Variants in SPATA31H1 observed in about 807,000 individuals in gnomAD.
The protein encoded by SPATA31H1 is SPATA31 subfamily H member 1.
At chr2:27,558,822 G>T in the SPATA31H1 span, among the ~76,000 whole-genome samples, 2 of 114,580 alleles carry the variant, frequency 1.7e-5, no homozygotes, top group Non-Finnish European at 3.6e-5. Context: ...AATCAGGCAG[G>T]GAGGTTGCAG....
chr2:27,564,582 C>T, the SPATA31H1 span, among the ~76,000 whole-genome samples: 1 of 151,976 alleles, frequency 6.6e-6, no homozygotes, highest in Non-Finnish European at 1.5e-5. Context: ...TTTGGGAGGC[C>T]GAGGTGGGCG....
chr2:27,557,017 A>T, the SPATA31H1 span, among the ~76,000 whole-genome samples: 1 of 22,484 alleles, frequency 4.4e-5, no homozygotes, highest in Admixed American at 4.4e-4. Flanking sequence ...TTCAGAGAGC[A>T]CAGGGTTGGG....
chr2:27,582,154 G>A, the SPATA31H1 span: 32 of 1,604,100 alleles, frequency 2.0e-5, no homozygotes, highest in East Asian at 4.5e-5. Context: ...GAAAGAAGCC[G>A]TTGCAGTCCC....
At chr2:27,544,670 G>T in the SPATA31H1 span, among the ~76,000 whole-genome samples, 1 of 151,662 alleles carries the variant, frequency 6.6e-6, no homozygotes, top group East Asian at 1.9e-4. Flanking sequence ...AAGTAGCTGG[G>T]ATTACAGATG....
the SPATA31H1 span, chr2:27,569,446 C>T: frequency 7.0e-5 from 28 of 398,878 alleles, no homozygotes; most frequent in Middle Eastern, 6.3e-4. Context: ...ACTCTAGGAC[C>T]AGGCACTCAA....
At chr2:27,578,672 T>C in the SPATA31H1 span, 1 of 1,614,162 alleles carries the variant, frequency 6.2e-7, no homozygotes, top group Non-Finnish European at 8.5e-7. Flanking sequence ...TTATGGAAAC[T>C]GAGGATTTGA....
At chr2:27,560,223 C>T in the SPATA31H1 span, among the ~76,000 whole-genome samples, 3 of 152,122 alleles carry the variant, frequency 2.0e-5, no homozygotes, top group African/African-American at 4.8e-5. Flanking sequence ...CTGAAAATTC[C>T]AATACCTGAC....
the SPATA31H1 span, chr2:27,579,812 A>G: frequency 6.2e-7 from 1 of 1,614,228 alleles, no homozygotes; most frequent in Non-Finnish European, 8.5e-7. Context: ...CTGACTTCTC[A>G]GAACAGTTCC....
At chr2:27,582,527 A>C in the SPATA31H1 span, 1 of 1,592,862 alleles carries the variant, frequency 6.3e-7, no homozygotes, top group South Asian at 1.1e-5. Context: ...CTACTCGATG[A>C]GGCGAGGTCC....
chr2:27,576,732 G>T, the SPATA31H1 span: 1 of 1,614,068 alleles, frequency 6.2e-7, no homozygotes, highest in South Asian at 1.1e-5. Flanking sequence ...TTTGTCTCCA[G>T]AATCACAGCA....
chr2:27,543,777 C>G, the SPATA31H1 span, among the ~76,000 whole-genome samples: 1 of 151,882 alleles, frequency 6.6e-6, no homozygotes. Flanking sequence ...CACCTGGGCT[C>G]TTAACACCAG....
At chr2:27,539,922 C>G in the SPATA31H1 span, among the ~76,000 whole-genome samples, 9 of 110,616 alleles carry the variant, frequency 8.1e-5, no homozygotes, top group East Asian at 3.0e-3. Flanking sequence ...GGGGGGCTGA[C>G]CCCCCCACCT....
At chr2:27,577,027 T>C in the SPATA31H1 span, 6 of 1,614,088 alleles carry the variant, frequency 3.7e-6, no homozygotes, top group Non-Finnish European at 5.1e-6. This position sits in a 1 kb window ranked among gnomAD's most constrained non-coding sequence, Gnocchi z 4.5. Flanking sequence ...TTGATTTCAA[T>C]ACCAATTTAT....
chr2:27,573,984 C>A, the SPATA31H1 span: 1 of 398,316 alleles, frequency 2.5e-6, no homozygotes, highest in Non-Finnish European at 4.4e-6. Context: ...TAAGTTGAAC[C>A]CTAAGACAAA....
At chr2:27,572,034 G>A in the SPATA31H1 span, 2 of 398,314 alleles carry the variant, frequency 5.0e-6, no homozygotes, top group African/African-American at 4.1e-5. Context: ...GTCAGAAGGT[G>A]TAATGTCTTT....
At chr2:27,545,133 C>T in the SPATA31H1 span, among the ~76,000 whole-genome samples, 1 of 151,606 alleles carries the variant, frequency 6.6e-6, no homozygotes, top group African/African-American at 2.4e-5. Flanking sequence ...AGTGATTCTC[C>T]TGTCTCAGCC....
chr2:27,575,852 A>G, the SPATA31H1 span: 33 of 398,348 alleles, frequency 8.3e-5, no homozygotes, highest in African/African-American at 5.6e-4. The surrounding 1 kb of genome is among the most constrained non-coding windows in gnomAD (Gnocchi z 4.1). Flanking sequence ...GGTGCAACCC[A>G]GGGCCGTATT....
chr2:27,579,299 T>TCAAA, the SPATA31H1 span: 11 of 1,614,176 alleles, frequency 6.8e-6, no homozygotes, highest in Non-Finnish European at 9.3e-6. Flanking sequence ...AGCTTTGTTC[T>TCAAA]CAAACATCTT....
At chr2:27,563,831 G>T in the SPATA31H1 span, among the ~76,000 whole-genome samples, 241 of 152,176 alleles carry the variant, frequency 1.6e-3, no homozygotes, top group Middle Eastern at 0.01. Flanking sequence ...AAAGTGCTGG[G>T]ATTATAGGCA....
Sources: gnomAD v4.1 joint callset for allele counts (sites outside exome capture counted in the v4.1 genomes callset) on GRCh38, gnomAD v4.1.1 for gene constraint, Gnocchi (gnomAD v3.1) non-coding constraint, MANE v1.5 for transcripts, NCBI Gene and HGNC (gene_info 2026-07-23, HGNC 2026-07-21) for gene names.